The following DPP10 variants were observed in gnomAD, a reference collection of about 807,000 sequenced individuals.
DPP10 encodes inactive dipeptidyl peptidase 10.
A neutral mutation model predicts 120.9 loss-of-function variants in DPP10; 33 were observed. The observed-to-expected ratio is 0.27, with a 90% CI of 0.21 to 0.37. DPP10 has a LOEUF of 0.37. DPP10 is among the 10% of genes least tolerant of loss of function. DPP10 has a pLI of 1.00. For missense variants in DPP10, 816 were observed against 942.8 expected (o/e 0.87, Z 1.76); for synonymous variants, 337 against 326.1 (o/e 1.03, Z -0.36).
intron 5 of DPP10, among the ~76,000 whole-genome samples, chr2:115,588,755 C>T (rs550133898): frequency 1.3e-5 from 2 of 152,132 alleles, no homozygotes; most frequent in South Asian, 4.1e-4. Flanking sequence ...TTCAGCAACT[C>T]CATATATGTT....
chr2:114,676,494 TTA>T (rs1698680591), intron 1 of DPP10, among the ~76,000 whole-genome samples: 1 of 152,072 alleles, frequency 6.6e-6, no homozygotes, highest in African/African-American at 2.4e-5. Context: ...GTGTGATACT[TTA>T]TGTTTTTTTC....
At chr2:115,623,712 C>T (rs1161141010) in intron 5 of DPP10, among the ~76,000 whole-genome samples, 1 of 152,134 alleles carries the variant, frequency 6.6e-6, no homozygotes, top group Non-Finnish European at 1.5e-5. Context: ...GGTACAAGAT[C>T]TGTAGTTCTG....
chr2:114,600,769 A>G (rs557961043), intron 1 of DPP10, among the ~76,000 whole-genome samples: 1 of 152,034 alleles, frequency 6.6e-6, no homozygotes, highest in South Asian at 2.1e-4. Context: ...AAATACGATT[A>G]CACATGATCA....
intron 1 of DPP10, among the ~76,000 whole-genome samples, chr2:115,059,363 T>C (rs1157428645): frequency 0.016 from 2,454 of 151,250 alleles, 41 homozygotes; most frequent in Middle Eastern, 0.024. Flanking sequence ...TTTTTTTTTT[T>C]TTTTTGCCTA....
intron 21 of DPP10, among the ~76,000 whole-genome samples, chr2:115,816,834 C>T (rs976439864): frequency 2.0e-5 from 3 of 148,904 alleles, no homozygotes; most frequent in African/African-American, 7.3e-5. Flanking sequence ...GCCAGATGGT[C>T]TCGATCTCTT....
chr2:114,755,071 C>G (rs1679601590), intron 1 of DPP10, among the ~76,000 whole-genome samples: 1 of 152,146 alleles, frequency 6.6e-6, no homozygotes, highest in African/African-American at 2.4e-5. Context: ...TCATATTTAT[C>G]TTTTCTTATG....
At chr2:115,592,646 C>G (rs2082737502) in intron 5 of DPP10, among the ~76,000 whole-genome samples, 1 of 151,848 alleles carries the variant, frequency 6.6e-6, no homozygotes, top group African/African-American at 2.4e-5. Context: ...GTCCCAGCTA[C>G]TAGCGAGGCT....
intron 5 of DPP10, among the ~76,000 whole-genome samples, chr2:115,580,872 T>C (rs911190322): frequency 1.4e-4 from 22 of 152,172 alleles, no homozygotes; most frequent in African/African-American, 4.6e-4. Context: ...TTCTATTGGG[T>C]GTATTCCTGT....
chr2:115,267,112 C>T (rs1022479891), intron 1 of DPP10, among the ~76,000 whole-genome samples: 11 of 152,232 alleles, frequency 7.2e-5, no homozygotes, highest in Admixed American at 5.9e-4. Context: ...TAGAAAGATG[C>T]TAATGATTAT....
chr2:115,620,547 A>G (rs1575357337), intron 5 of DPP10, among the ~76,000 whole-genome samples: 1 of 152,230 alleles, frequency 6.6e-6, no homozygotes, highest in East Asian at 1.9e-4. Flanking sequence ...AGAAACTATA[A>G]TTCTTACAAA....
chr2:115,565,831 G>T (rs1245636465), intron 5 of DPP10, among the ~76,000 whole-genome samples: 5 of 149,276 alleles, frequency 3.3e-5, no homozygotes, highest in Non-Finnish European at 5.9e-5. Context: ...TGTCACCCAG[G>T]CTGGATTGCA....
rs1281593253 is a variant in DPP10 at position 114,843,813 on chromosome 2, G to A, written c.60+400975G>A. ...CGAGGGAGATTGTCTGAAATGGTAA[G>A]TCACTGAGTGTAGATTAATCAGCTA... On this transcript the variant is annotated intron_variant, in intron 1 of 25. Coordinates refer to ENST00000410059, the MANE Select transcript of DPP10 (RefSeq NM_020868.6). Among the ~76,000 whole-genome samples the A allele has an allele frequency of 3.3e-5, 5 of 152,230 alleles. 1 individual carries two copies. The South Asian group carries it at 1.0e-3, about 32-fold the overall frequency.
chr2:115,454,330 C>T (rs1319363311), intron 3 of DPP10, among the ~76,000 whole-genome samples: 1 of 151,636 alleles, frequency 6.6e-6, no homozygotes, highest in Non-Finnish European at 1.5e-5. Context: ...AGGCGGAAGT[C>T]TTTAACAAAA....
At chr2:115,337,861 A>G (rs969591386) in intron 2 of DPP10, among the ~76,000 whole-genome samples, 16 of 152,042 alleles carry the variant, frequency 1.1e-4, no homozygotes, top group Admixed American at 5.2e-4. Flanking sequence ...AGAAGAAAAA[A>G]ACAAAGAAAT....
intron 3 of DPP10, among the ~76,000 whole-genome samples, chr2:115,403,381 C>CTTTTTTTTTTTTT (rs78116780): frequency 5.1e-5 from 6 of 118,386 alleles, no homozygotes; most frequent in East Asian, 3.0e-4. Context: ...TTCTTTCCTT[C>CTTTTTTTTTTTTT]TTTTTTTTTT....
chr2:115,050,789 G>A lies in DPP10; in HGVS notation c.61-258450G>A, dbSNP rs185092239. 7.2e-3 allele frequency among the ~76,000 whole-genome samples: 1,101 copies of A among 152,278 alleles called. 8 individuals are homozygous for A. Among genetic ancestry groups the A allele is most frequent in the Non-Finnish European group, 0.012 (811 of 68,014 alleles). On this transcript the variant is annotated intron_variant, in intron 1 of 25. Transcript: ENST00000410059. ...AATGCTAGGGCAGGGATGGTACACGGCCTCACTAGAGTTTAACACACAGAA... is the reference window on the plus strand; with the variant it reads ...AATGCTAGGGCAGGGATGGTACACGACCTCACTAGAGTTTAACACACAGAA...
At chr2:114,759,956 A>G (rs928233909) in intron 1 of DPP10, among the ~76,000 whole-genome samples, 2 of 152,250 alleles carry the variant, frequency 1.3e-5, no homozygotes, top group Non-Finnish European at 2.9e-5. Flanking sequence ...GAAAAGACAC[A>G]GAGAAGCAAT....
intron 1 of DPP10, among the ~76,000 whole-genome samples, chr2:114,769,914 A>G (rs75548623): frequency 0.011 from 1,710 of 152,274 alleles, 34 homozygotes; most frequent in African/African-American, 0.039. Flanking sequence ...TTGGAAAATT[A>G]GGTTTTAGCT....
At chr2:115,214,123 G>A (rs144424773) in intron 1 of DPP10, among the ~76,000 whole-genome samples, 43 of 152,284 alleles carry the variant, frequency 2.8e-4, no homozygotes, top group Non-Finnish European at 5.6e-4. Context: ...TAATATCCTG[G>A]CAAATGCGGC....
Sources: gnomAD v4.1 joint callset for allele counts (sites outside exome capture counted in the v4.1 genomes callset) on GRCh38, gnomAD v4.1.1 for gene constraint, MANE v1.5 for transcripts, NCBI Gene and HGNC (gene_info 2026-07-23, HGNC 2026-07-21) for gene names.